TOP2B: variants seen among roughly 807,000 people sequenced by gnomAD.
The protein encoded by TOP2B is DNA topoisomerase 2-beta.
TOP2B carries 51 observed loss-of-function variants against 193.5 expected under a neutral mutation model. That is an observed-to-expected ratio of 0.26 (90% confidence interval 0.21 to 0.33). The LOEUF is 0.33. TOP2B is among the 10% of genes least tolerant of loss of function. TOP2B has a pLI of 1.00. For missense variants in TOP2B, 1,378 were observed against 1,909.3 expected (o/e 0.72, Z 5.19); for synonymous variants, 634 against 635.7 (o/e 1.00, Z 0.04).
At chr3:25,651,188 AT>A (rs1703577226) in intron 1 of TOP2B, among the ~76,000 whole-genome samples, 1 of 152,164 alleles carries the variant, frequency 6.6e-6, no homozygotes. Context: ...ATAGTATAGA[AT>A]TTTTTAAAGC....
chr3:25,600,712 C>CTTA (rs1315787510), intron 34 of TOP2B, among the ~76,000 whole-genome samples: 3 of 152,188 alleles, frequency 2.0e-5, no homozygotes, highest in African/African-American at 4.8e-5. Flanking sequence ...ACAGTTATTT[C>CTTA]TTAGGTGAGA....
intron 1 of TOP2B, among the ~76,000 whole-genome samples, chr3:25,653,610 T>C (rs78729441): frequency 0.03 from 4,608 of 152,086 alleles, 204 homozygotes; most frequent in African/African-American, 0.1. Context: ...TAAAATTTCT[T>C]CTAGAGACAA....
chr3:25,601,315 T>C, intron 33 of TOP2B, 90 bp from the exon 34 acceptor site: 2 of 1,440,386 alleles, frequency 1.4e-6, no homozygotes, highest in African/African-American at 1.4e-5. Flanking sequence ...TTCTTATAGC[T>C]GATTAGAAAC....
rs191194774 is a variant in TOP2B at position 25,628,622 on chromosome 3, A to G, written c.1906+225T>C. On this transcript the variant is annotated intron_variant, in intron 15 of 35. Coordinates refer to ENST00000264331, the MANE Select transcript of TOP2B (RefSeq NM_001330700.2). ...TTTCAAACTAATGGAGTGGCAATAAAGGAGGTTTACAGGAAACAAGACTAG... is the reference window on the plus strand; with the variant it reads ...TTTCAAACTAATGGAGTGGCAATAAGGGAGGTTTACAGGAAACAAGACTAG... Among the ~76,000 whole-genome samples the G allele has an allele frequency of 3.9e-5, 6 of 152,030 alleles. No individual in the cohort carries two copies. In the East Asian group the frequency reaches 1.2e-3, roughly 29 times the overall value.
rs1411147513 is a variant in TOP2B, at chr3:25,623,772, G to A, written c.2496-26C>T. On this transcript the variant is annotated intron_variant, in intron 20 of 35. Transcript: ENST00000264331. ...CTAATGAAAACAAAAAGAAGCAAATGAAAAAATGTCATGGCTTTGGGAAAG... is the reference window on the plus strand; with the variant it reads ...CTAATGAAAACAAAAAGAAGCAAATAAAAAAATGTCATGGCTTTGGGAAAG... 6.8e-6 allele frequency: 10 copies of A among 1,472,778 alleles called. No individual in the cohort carries two copies. In the Admixed American group the frequency reaches 1.2e-4, roughly 17 times the overall value. The allele number at this position is 1,472,778 out of a possible 1,614,324, so 91.2% of individuals were successfully genotyped here.
rs951827495 is a variant in TOP2B at position 25,627,720 on chromosome 3, C to T, written c.1907-424G>A. 2.0e-5 allele frequency among the ~76,000 whole-genome samples: 3 copies of T among 152,188 alleles called. No individual in the cohort carries two copies. In the South Asian group the frequency reaches 6.2e-4, roughly 32 times the overall value. On this transcript the variant is annotated intron_variant, in intron 15 of 35. Transcript: ENST00000264331. ...AAAAGAGAAATGCTATATTAATAAA[C>T]TTATCAACCAAATGCAATGTGTGGA... is the stretch of plus-strand genomic sequence containing the variant.
At chr3:25,646,399 G>T (rs1176610741) in intron 1 of TOP2B, among the ~76,000 whole-genome samples, 1 of 152,152 alleles carries the variant, frequency 6.6e-6, no homozygotes, top group African/African-American at 2.4e-5. Flanking sequence ...GTTTCAAGGA[G>T]GCACAGGTTG....
At chr3:25,617,750 T>C (rs1702543146) in intron 25 of TOP2B, among the ~76,000 whole-genome samples, 1 of 152,230 alleles carries the variant, frequency 6.6e-6, no homozygotes, top group African/African-American at 2.4e-5. Flanking sequence ...CTTAAATTTT[T>C]CTTTTAGTTA....
chr3:25,626,318 A>G (rs955707275), intron 18 of TOP2B, among the ~76,000 whole-genome samples: 2 of 152,128 alleles, frequency 1.3e-5, no homozygotes, highest in African/African-American at 4.8e-5. Context: ...TTTAAAGTTA[A>G]TTTTCCTGAA....
intron 29 of TOP2B, 99 bp from the exon 30 acceptor site, chr3:25,609,443 A>C (rs1702314819): frequency 6.8e-7 from 1 of 1,459,962 alleles, no homozygotes; most frequent in Admixed American, 2.7e-5. Flanking sequence ...TACAAAATAA[A>C]CGTTTATGAA....
rs1353827681 is a variant in TOP2B at position 25,664,765 on chromosome 3, C to T, written c.-468G>A. The stretch of plus-strand genomic sequence containing the variant: ...GAGTCGCCAGAGTAGTCGTCCCGGT[C>T]GCCGCCGCTGCTTCAAAGGCAGCCT... On this transcript the variant is annotated 5_prime_UTR_variant, in exon 1 of 36. Transcript: ENST00000264331. The T allele has an allele frequency of 3.0e-6, 3 of 986,208 alleles. No homozygotes were observed. The highest frequency in any genetic ancestry group is 3.6e-6 in the Non-Finnish European group (3 of 828,876). The allele number at this position is 986,208 out of a possible 1,614,324, so 61.1% of individuals were successfully genotyped here.
chr3:25,609,665 G>A lies in TOP2B; in HGVS notation c.3834C>T (p.Phe1278=), dbSNP rs753407884. The A allele has an allele frequency of 7.8e-6, 12 of 1,532,412 alleles. No homozygotes were observed. In the South Asian group the frequency reaches 1.5e-4, roughly 19 times the overall value. The allele number at this position is 1,532,412 out of a possible 1,614,324, so 94.9% of individuals were successfully genotyped here. Residue 1278 remains phenylalanine (F), a synonymous_variant, in exon 29 of 36, where the codon TTC becomes TTT. Coordinates refer to ENST00000264331, the MANE Select transcript of TOP2B (RefSeq NM_001330700.2). ...AAVKVEFDEE[F]SGAPVEGAGE... is the part of the protein sequence containing the mutation. ...CTGCACCTTCTACTGGTGCTCCACT[G>A]AATTCTTCATCAAATTCCACTTTTA...
chr3:25,651,893 A>G (rs375439434), intron 1 of TOP2B, among the ~76,000 whole-genome samples: 1 of 152,066 alleles, frequency 6.6e-6, no homozygotes, highest in African/African-American at 2.4e-5. Context: ...TAAGTGCCCA[A>G]ATAAAAGACA....
chr3:25,638,417 CTTAATGG>C (rs1703168915), intron 4 of TOP2B, 107 bp from the exon 5 acceptor site: 1 of 1,268,270 alleles, frequency 7.9e-7, no homozygotes, highest in Admixed American at 3.7e-5. Flanking sequence ...TAGAATAAAC[CTTAATGG>C]TTATAAGATA....
chr3:25,610,926 C>G (rs1383385598), intron 28 of TOP2B, among the ~76,000 whole-genome samples: 1 of 152,102 alleles, frequency 6.6e-6, no homozygotes, highest in African/African-American at 2.4e-5. Context: ...AGTAGGCAGT[C>G]AATAGGACTT....
rs775581953 is a variant in TOP2B, at chr3:25,612,673, C to A, written c.3628G>T (p.Gly1210Ter). ...CCTTTAATTGCTTTTCCAGACATTCCAGCCAGAACATCTTCTCGTTCTTGA... is the reference window on the plus strand; with the variant it reads ...CCTTTAATTGCTTTTCCAGACATTCAAGCCAGAACATCTTCTCGTTCTTGA... ...ESQEREDVLA[G>*]MSGKAIKGKV... The change falls in exon 28 of 36, where the codon GGA (glycine) becomes TGA (stop). Residue 1210 changes from glycine (G) to a stop codon, truncating the protein, a stop_gained. Transcript: ENST00000264331. LOFTEE classifies it high-confidence loss of function. 22 of 1,613,416 alleles carry A rather than the reference C, an allele frequency of 1.4e-5. No individual in the cohort carries two copies.
chr3:25,638,402 T>C (rs1703168429), intron 4 of TOP2B, 92 bp from the exon 5 acceptor site: 1 of 1,297,384 alleles, frequency 7.7e-7, no homozygotes, highest in African/African-American at 1.7e-5. Flanking sequence ...CATTAAAAAG[T>C]AATCTAGAAT....
intron 1 of TOP2B, among the ~76,000 whole-genome samples, chr3:25,648,493 T>G (rs2125400519): frequency 6.6e-6 from 1 of 152,236 alleles, no homozygotes; most frequent in South Asian, 2.1e-4. Context: ...AGCTAAGCCT[T>G]CAAATGCCAA....
intron 4 of TOP2B, 149 bp from the exon 5 acceptor site, chr3:25,638,459 C>T: frequency 4.9e-6 from 5 of 1,020,866 alleles, no homozygotes; most frequent in Non-Finnish European, 6.4e-6. Context: ...TTGGAAGGCA[C>T]TGATTCATCT....
Sources: allele counts gnomAD v4.1 joint callset (sites outside exome capture counted in the v4.1 genomes callset), GRCh38; gene constraint gnomAD v4.1.1; transcripts MANE v1.5; gene names NCBI Gene and HGNC (gene_info 2026-07-23, HGNC 2026-07-21).